The following IL1RAPL1 variants were observed in gnomAD, a reference collection of about 807,000 sequenced individuals.
IL1RAPL1 encodes interleukin 1 receptor accessory protein like 1.
IL1RAPL1 carries 3 observed loss-of-function variants against 48.4 expected under a neutral mutation model. The observed-to-expected ratio is 0.06, with a 90% CI of 0.03 to 0.16. The LOEUF is 0.16. Ranked by LOEUF, IL1RAPL1 falls within the 10% of genes least tolerant of loss-of-function variation. The pLI is 1.00. For synonymous variants in IL1RAPL1, 185 were observed against 187.7 expected, an observed-to-expected ratio of 0.99 and a Z score of 0.12; for missense variants, 349 against 530.6, an observed-to-expected ratio of 0.66 and a Z score of 3.36.
chrX:29,177,318 C>T (rs1930044529), intron 2 of IL1RAPL1, among the ~76,000 whole-genome samples: 1 of 111,817 alleles, frequency 8.9e-6, no homozygotes, highest in African/African-American at 3.3e-5. Context: ...CTGATCATTA[C>T]ATTCACAATT....
In IL1RAPL1 at chrX:29,517,339, G is replaced by GTATA. The variant is rs768548474; in HGVS notation, c.703+118045_703+118048dup. 1.3e-4 allele frequency among the ~76,000 whole-genome samples: 14 copies of GTATA among 105,319 alleles called. No homozygotes were observed. The East Asian group carries it at 1.5e-3, about 11-fold the overall frequency. 91.5% of individuals were successfully genotyped at this position (105,319 alleles called of 115,157 possible). ...ATTTTTATATAAACACATACCAAAT[G>GTATA]TATATATATATATATATGTAACAAA... On this transcript the variant is annotated intron_variant, in intron 5 of 10. Coordinates refer to ENST00000378993, the MANE Select transcript of IL1RAPL1 (RefSeq NM_014271.4).
intron 1 of IL1RAPL1, among the ~76,000 whole-genome samples, chrX:28,727,837 G>A (rs1233788948): frequency 9.1e-6 from 1 of 109,851 alleles, no homozygotes; most frequent in Non-Finnish European, 1.9e-5. Flanking sequence ...ACCAAACGCC[G>A]CATATTCTCA....
At chrX:29,031,769 C>T (rs952165711) in intron 2 of IL1RAPL1, among the ~76,000 whole-genome samples, 2 of 111,172 alleles carry the variant, frequency 1.8e-5, no homozygotes, top group African/African-American at 6.5e-5. Context: ...GATCCTTTTA[C>T]GGTTTTTCTG....
intron 2 of IL1RAPL1, among the ~76,000 whole-genome samples, chrX:29,177,878 A>T (rs1930058193): frequency 9.0e-6 from 1 of 111,653 alleles, no homozygotes; most frequent in South Asian, 3.8e-4. Flanking sequence ...TTTGCTCAGA[A>T]TGATGGTTTC....
At chrX:28,932,498 A>G (rs1183744944) in intron 2 of IL1RAPL1, among the ~76,000 whole-genome samples, 1 of 111,603 alleles carries the variant, frequency 9.0e-6, no homozygotes, top group African/African-American at 3.3e-5. Context: ...TACATCTTCA[A>G]ATTCAAGTAC....
chrX:29,940,769 G>A (rs140632668), intron 8 of IL1RAPL1, among the ~76,000 whole-genome samples: 1,778 of 112,387 alleles, frequency 0.016, 39 homozygotes, highest in African/African-American at 0.054. Context: ...TAGATATTCA[G>A]TAGAAAAAGG....
At chrX:29,823,757 G>T (rs916333788) in intron 6 of IL1RAPL1, among the ~76,000 whole-genome samples, 15 of 111,705 alleles carry the variant, frequency 1.3e-4, no homozygotes, top group Admixed American at 5.7e-4. Flanking sequence ...TGGAAACATT[G>T]TCTCTCCTTG....
intron 5 of IL1RAPL1, among the ~76,000 whole-genome samples, chrX:29,565,355 T>C (rs772696776): frequency 9.1e-6 from 1 of 109,508 alleles, no homozygotes; most frequent in African/African-American, 3.3e-5. Flanking sequence ...TTAGAGTCGC[T>C]AAAAATCTCA....
intron 6 of IL1RAPL1, among the ~76,000 whole-genome samples, chrX:29,771,634 A>T (rs1015035118): frequency 1.8e-5 from 2 of 111,857 alleles, no homozygotes; most frequent in Non-Finnish European, 3.8e-5. Flanking sequence ...TCTACCATCA[A>T]TTCCCACTAT....
intron 1 of IL1RAPL1, among the ~76,000 whole-genome samples, chrX:28,737,858 G>C (rs1935862440): frequency 1.8e-5 from 2 of 111,575 alleles, no homozygotes; most frequent in African/African-American, 6.5e-5. Context: ...TAAGCGTTCT[G>C]CTAGTCATTG....
chrX:29,382,948 G>A (rs776290563), intron 3 of IL1RAPL1, among the ~76,000 whole-genome samples: 3 of 112,114 alleles, frequency 2.7e-5, no homozygotes, highest in African/African-American at 6.5e-5. Flanking sequence ...AATAGGAAGA[G>A]TTATGTGATT....
intron 5 of IL1RAPL1, among the ~76,000 whole-genome samples, chrX:29,599,453 C>G (rs1923651018): frequency 8.9e-6 from 1 of 111,767 alleles, no homozygotes; most frequent in Non-Finnish European, 1.9e-5. Flanking sequence ...TCGTAAGATT[C>G]TTTCCTTTGC....
At chrX:29,766,345 ATAT>A (rs1569163205) in intron 6 of IL1RAPL1, among the ~76,000 whole-genome samples, 4 of 45,496 alleles carry the variant, frequency 8.8e-5, no homozygotes, top group African/African-American at 4.3e-4. Context: ...AAAAAAAAAT[ATAT>A]ATATATATAT....
rs191215955 is a variant in IL1RAPL1, at chrX:28,743,671, A to G, written c.-24-45649A>G. 1.6e-3 allele frequency among the ~76,000 whole-genome samples: 177 copies of G among 111,390 alleles called. 1 individual carries two copies. The highest frequency in any genetic ancestry group is 4.6e-3 in the Middle Eastern group (1 of 217). On this transcript the variant is annotated intron_variant, in intron 1 of 10. Transcript: ENST00000378993. The stretch of plus-strand genomic sequence containing the variant: ...AATACAAACTCCTTTGTGATTCCGT[A>G]TACTCCAAAATGTTTCTAGTCTTCT...
At chrX:29,019,736 C>T (rs1025392663) in intron 2 of IL1RAPL1, among the ~76,000 whole-genome samples, 20 of 111,929 alleles carry the variant, frequency 1.8e-4, no homozygotes, top group African/African-American at 6.2e-4. Context: ...TGAATGGCTC[C>T]CCAAATTTTT....
At chrX:29,158,103 C>A (rs1032418523) in intron 2 of IL1RAPL1, among the ~76,000 whole-genome samples, 7 of 111,313 alleles carry the variant, frequency 6.3e-5, no homozygotes, top group African/African-American at 2.0e-4. Context: ...CCAAGGGAAT[C>A]ATTCCTTATT....
intron 2 of IL1RAPL1, among the ~76,000 whole-genome samples, chrX:28,921,638 G>A (rs1430287422): frequency 8.9e-6 from 1 of 111,797 alleles, no homozygotes; most frequent in Non-Finnish European, 1.9e-5. Flanking sequence ...AGCAGGTTGG[G>A]GGAAAGAGGA....
At chrX:29,475,766 C>A (rs973344386) in intron 5 of IL1RAPL1, among the ~76,000 whole-genome samples, 1 of 110,877 alleles carries the variant, frequency 9.0e-6, no homozygotes, top group Non-Finnish European at 1.9e-5. Context: ...GCGCTTATTT[C>A]TGTTTCTGAT....
At chrX:29,397,783 T>C (rs759559845) in intron 4 of IL1RAPL1, among the ~76,000 whole-genome samples, 6 of 111,435 alleles carry the variant, frequency 5.4e-5, no homozygotes, top group Non-Finnish European at 1.1e-4. Context: ...TACTCATGTG[T>C]GACATCAGCT....
Sources: allele counts gnomAD v4.1 joint callset (sites outside exome capture counted in the v4.1 genomes callset), GRCh38; gene constraint gnomAD v4.1.1; transcripts MANE v1.5; gene names NCBI Gene and HGNC (gene_info 2026-07-23, HGNC 2026-07-21).